The following IQCJ variants were observed in gnomAD, a reference collection of about 807,000 sequenced individuals.
The protein encoded by IQCJ is IQ domain-containing protein J.
In IQCJ, 9 loss-of-function variants were observed where a neutral mutation model predicts 11.0. The ratio of observed to expected loss-of-function variants is 0.82; its 90% CI spans 0.49 to 1.43. The LOEUF (loss-of-function observed/expected upper bound fraction) is 1.43, where lower values mean the gene tolerates loss of function less well. IQCJ is among the 40% of genes most tolerant of loss of function. The pLI is 0.00. For synonymous variants in IQCJ, 55 were observed against 51.3 expected (o/e 1.07, Z -0.31); for missense variants, 146 against 133.2 (o/e 1.10, Z -0.47).
chr3:159,188,897 C>G (rs1723524527), intron 1 of IQCJ, among the ~76,000 whole-genome samples: 1 of 152,098 alleles, frequency 6.6e-6, no homozygotes, highest in African/African-American at 2.4e-5. Context: ...TAGGAATGTT[C>G]CCTTCATGAG....
chr3:159,205,710 G>A (rs1355694975), intron 1 of IQCJ, among the ~76,000 whole-genome samples: 1 of 152,218 alleles, frequency 6.6e-6, no homozygotes, highest in Non-Finnish European at 1.5e-5. Context: ...GTCTGATAAA[G>A]AGAAGGCAGC....
At chr3:159,183,809 T>C (rs981549215) in intron 1 of IQCJ, among the ~76,000 whole-genome samples, 2 of 152,230 alleles carry the variant, frequency 1.3e-5, no homozygotes, top group Non-Finnish European at 2.9e-5. Context: ...CTCACAGTAA[T>C]CTTCGATTCA....
rs60816912 is a variant in IQCJ at position 159,171,211 on chromosome 3, ATCTC to A, written c.10-74626_10-74623del. Among the ~76,000 whole-genome samples the A allele has an allele frequency of 2.9e-3, 438 of 152,130 alleles. 3 individuals carry two copies. The highest frequency in any genetic ancestry group is 0.01 in the African/African-American group (422 of 41,510). ...GCACTCCCCCATGAAATTAGCCAAC[ATCTC>A]TCTCTATCTAAATCTATATTTATCT... is the stretch of plus-strand genomic sequence containing the variant. On this transcript the variant is annotated intron_variant, in intron 1 of 3. Coordinates refer to ENST00000397832, the MANE Select transcript of IQCJ (RefSeq NM_001042706.3).
chr3:159,220,796 C>T (rs1225693818), intron 1 of IQCJ, among the ~76,000 whole-genome samples: 2 of 152,090 alleles, frequency 1.3e-5, no homozygotes, highest in Non-Finnish European at 2.9e-5. Context: ...CACAGCCTAG[C>T]CACTAACTAT....
chr3:159,197,786 T>C (rs1318275863), intron 1 of IQCJ, among the ~76,000 whole-genome samples: 1 of 151,848 alleles, frequency 6.6e-6, no homozygotes, highest in Admixed American at 6.6e-5. Context: ...AGTAAGCACA[T>C]TGTTACCTTG....
intron 1 of IQCJ, among the ~76,000 whole-genome samples, chr3:159,119,136 A>G (rs550273000): frequency 6.6e-6 from 1 of 152,324 alleles, no homozygotes; most frequent in South Asian, 2.1e-4. Flanking sequence ...ACACCTGGGT[A>G]TGCTCTTGTT....
At chr3:159,240,606 TA>T (rs1726861467) in intron 1 of IQCJ, among the ~76,000 whole-genome samples, 1 of 152,240 alleles carries the variant, frequency 6.6e-6, no homozygotes, top group African/African-American at 2.4e-5. Context: ...GTGTTTTATA[TA>T]GACACTCTAT....
At chr3:159,077,509 C>T (rs927093063) in intron 1 of IQCJ, among the ~76,000 whole-genome samples, 1 of 152,070 alleles carries the variant, frequency 6.6e-6, no homozygotes, top group Non-Finnish European at 1.5e-5. Context: ...CAATGGAATA[C>T]TGCAGAGGAG....
At chr3:159,112,121 A>G (rs1049079927) in intron 1 of IQCJ, among the ~76,000 whole-genome samples, 1 of 152,178 alleles carries the variant, frequency 6.6e-6, no homozygotes, top group Admixed American at 6.5e-5. Context: ...TCCTCATGAT[A>G]TGAGGACAGC....
chr3:159,188,262 T>C (rs892282357), intron 1 of IQCJ, among the ~76,000 whole-genome samples: 1 of 151,946 alleles, frequency 6.6e-6, no homozygotes, highest in African/African-American at 2.4e-5. Flanking sequence ...AATACAAAAT[T>C]AGCCGGGTGT....
At chr3:159,079,402 TC>T (rs1407334787) in intron 1 of IQCJ, among the ~76,000 whole-genome samples, 1 of 152,128 alleles carries the variant, frequency 6.6e-6, no homozygotes, top group Non-Finnish European at 1.5e-5. Flanking sequence ...AAGCCAGAGT[TC>T]AGAATCTAGA....
intron 1 of IQCJ, among the ~76,000 whole-genome samples, chr3:159,155,359 T>C (rs1014782535): frequency 3.9e-5 from 6 of 152,196 alleles, no homozygotes; most frequent in Non-Finnish European, 7.3e-5. Context: ...GGTTTCACCA[T>C]GTTGGCCAGG....
chr3:159,072,646 A>G (rs1192724053), intron 1 of IQCJ, among the ~76,000 whole-genome samples: 8 of 152,266 alleles, frequency 5.3e-5, no homozygotes, highest in African/African-American at 1.2e-4. Context: ...ATTTTAATTC[A>G]TATTTATTGA....
At position 159,078,956 on chromosome 3, in the gene IQCJ, G is replaced by A. The variant is rs577912158; in HGVS notation, c.9+9515G>A. ...TAGCAGAGGGTCAATAAACACCCAT[G>A]GCAATAATAATTATTAATAATATGA... On this transcript the variant is annotated intron_variant, in intron 1 of 3. Transcript: ENST00000397832. Among the ~76,000 whole-genome samples, 451 of 152,188 alleles carry A rather than the reference G, an allele frequency of 3.0e-3. 2 individuals are homozygous for A. Among genetic ancestry groups the A allele is most frequent in the African/African-American group, 0.01 (429 of 41,542 alleles).
At position 159,263,352 on chromosome 3, in the gene IQCJ, G is replaced by A. The variant is rs544067185; in HGVS notation, c.*621G>A. 1.8e-5 allele frequency: 12 copies of A among 673,920 alleles called. No individual in the cohort carries two copies. The African/African-American group carries it at 2.0e-4, about 11-fold the overall frequency. 41.7% of individuals were successfully genotyped at this position (673,920 alleles called of 1,614,324 possible). ...TAAGAAAATTTAAAAGGTAAAGTAA[G>A]CATGCCTACAGACCACAATTGACCT... On this transcript the variant is annotated 3_prime_UTR_variant, in exon 4 of 4. Coordinates refer to ENST00000397832, the MANE Select transcript of IQCJ (RefSeq NM_001042706.3).
chr3:159,238,491 A>T (rs1159334823), intron 1 of IQCJ, among the ~76,000 whole-genome samples: 1 of 152,214 alleles, frequency 6.6e-6, no homozygotes, highest in Non-Finnish European at 1.5e-5. Flanking sequence ...ACATTTACTT[A>T]TTCAACAGAT....
intron 1 of IQCJ, among the ~76,000 whole-genome samples, chr3:159,177,269 C>T (rs529011363): frequency 1.3e-5 from 2 of 152,154 alleles, no homozygotes; most frequent in Non-Finnish European, 2.9e-5. Context: ...CTGGGTGTGC[C>T]CTCTTCTTTC....
intron 1 of IQCJ, among the ~76,000 whole-genome samples, chr3:159,180,337 C>T (rs1226279210): frequency 6.7e-6 from 1 of 150,246 alleles, no homozygotes; most frequent in Non-Finnish European, 1.5e-5. Flanking sequence ...ATACACACTC[C>T]TAGTGATTGT....
intron 1 of IQCJ, among the ~76,000 whole-genome samples, chr3:159,136,664 G>A (rs1420757328): frequency 6.6e-6 from 1 of 152,052 alleles, no homozygotes; most frequent in African/African-American, 2.4e-5. Context: ...AAGGAGCGAG[G>A]GTCTTTCTGG....
Sources: gnomAD v4.1 joint callset for allele counts (sites outside exome capture counted in the v4.1 genomes callset) on GRCh38, gnomAD v4.1.1 for gene constraint, MANE v1.5 for transcripts, NCBI Gene and HGNC (gene_info 2026-07-23, HGNC 2026-07-21) for gene names.